EDAR: variants seen among roughly 807,000 people sequenced by gnomAD.
The protein encoded by EDAR is ectodysplasin A receptor, also known as tumor necrosis factor receptor superfamily member EDAR.
A neutral mutation model predicts 51.3 loss-of-function variants in EDAR; 38 were observed. That is an observed-to-expected ratio of 0.74 (90% CI 0.57 to 0.97). The LOEUF (loss-of-function observed/expected upper bound fraction) is 0.97. EDAR is among the 50% of genes least tolerant of loss of function. EDAR has a pLI of 0.00. For synonymous variants in EDAR, 227 were observed against 242.1 expected (o/e 0.94, Z 0.58); for missense variants, 528 against 595.0 (o/e 0.89, Z 1.17).
At chr2:108,946,665 A>T (rs967985716) in intron 1 of EDAR, among the ~76,000 whole-genome samples, 2 of 152,208 alleles carry the variant, frequency 1.3e-5, no homozygotes, top group Admixed American at 1.3e-4. Context: ...CATCTTACAC[A>T]GTGGCAAGAG....
intron 5 of EDAR, among the ~76,000 whole-genome samples, chr2:108,921,345 C>T (rs1267062478): frequency 6.6e-6 from 1 of 152,206 alleles, no homozygotes; most frequent in Non-Finnish European, 1.5e-5. Flanking sequence ...TCATCCTCAG[C>T]CAGGGGCCCT....
intron 1 of EDAR, among the ~76,000 whole-genome samples, chr2:108,966,396 T>C (rs1322814812): frequency 6.6e-6 from 1 of 152,236 alleles, no homozygotes; most frequent in East Asian, 1.9e-4. Context: ...GCAGTGGCAT[T>C]GGAGGCCAGC....
intron 5 of EDAR, 57 bp from the exon 6 acceptor site, chr2:108,912,821 C>T: frequency 7.1e-7 from 1 of 1,410,548 alleles, no homozygotes. Context: ...TTCAAAGACG[C>T]TGCCACAGAG....
chr2:108,976,972 G>A (rs1698333564), intron 1 of EDAR, among the ~76,000 whole-genome samples: 1 of 152,170 alleles, frequency 6.6e-6, no homozygotes, highest in South Asian at 2.1e-4. Flanking sequence ...TGGGTGCACA[G>A]TGAGGACTGA....
intron 4 of EDAR, among the ~76,000 whole-genome samples, chr2:108,924,868 C>T (rs951309440): frequency 3.3e-5 from 5 of 152,250 alleles, no homozygotes; most frequent in East Asian, 3.8e-4. Context: ...GTGTCTGCCA[C>T]GTGGCCTTGT....
intron 1 of EDAR, among the ~76,000 whole-genome samples, 169 bp from the exon 2 acceptor site, chr2:108,931,201 T>C (rs539539943): frequency 2.0e-5 from 3 of 152,334 alleles, no homozygotes; most frequent in African/African-American, 7.2e-5. Context: ...CCATGCCACT[T>C]GGGCTGACTC....
At chr2:108,954,734 G>C (rs949377285) in intron 1 of EDAR, among the ~76,000 whole-genome samples, 1 of 151,510 alleles carries the variant, frequency 6.6e-6, no homozygotes, top group African/African-American at 2.4e-5. Context: ...GGAGTGCAAT[G>C]GCGTGATCTC....
intron 1 of EDAR, among the ~76,000 whole-genome samples, chr2:108,931,268 A>G (rs1697361902): frequency 6.6e-6 from 1 of 152,218 alleles, no homozygotes; most frequent in African/African-American, 2.4e-5. Context: ...GGAGGCTAGG[A>G]GCACACGGAG....
chr2:108,895,882 G>A lies in EDAR; in HGVS notation c.*1025C>T, dbSNP rs1047259835. 6.6e-6 allele frequency: 1 copy of A among 152,230 alleles called. No individual in the cohort carries two copies. Among genetic ancestry groups the A allele is most frequent in the Admixed American group, 6.5e-5 (1 of 15,282 alleles). The allele number at this position is 152,230 out of a possible 1,614,324, so 9.4% of individuals were successfully genotyped here. On this transcript the variant is annotated 3_prime_UTR_variant, in exon 12 of 12. Transcript: ENST00000258443. ...CCATGAGGCTAATCCACAAGTCTTAGATGCTCTTGAAATCTAGAATTATGC... is the reference window on the plus strand; with the variant it reads ...CCATGAGGCTAATCCACAAGTCTTAAATGCTCTTGAAATCTAGAATTATGC...
At chr2:108,913,792 T>C (rs570428661) in intron 5 of EDAR, among the ~76,000 whole-genome samples, 1 of 151,690 alleles carries the variant, frequency 6.6e-6, no homozygotes, top group East Asian at 1.9e-4. Flanking sequence ...CTACTAAAAA[T>C]ACAAAAAATT....
At chr2:108,977,518 C>T (rs1468825043) in intron 1 of EDAR, among the ~76,000 whole-genome samples, 1 of 152,184 alleles carries the variant, frequency 6.6e-6, no homozygotes, top group Non-Finnish European at 1.5e-5. Context: ...GATCCGCCAG[C>T]CTCGGCCTCC....
intron 1 of EDAR, among the ~76,000 whole-genome samples, chr2:108,986,224 G>GT (rs1698493802): frequency 6.6e-6 from 1 of 152,062 alleles, no homozygotes; most frequent in South Asian, 2.1e-4. Context: ...ATATTTGACA[G>GT]TTTTTTTCAC....
chr2:108,930,471 C>A (rs1427901057), intron 2 of EDAR, among the ~76,000 whole-genome samples: 1 of 152,112 alleles, frequency 6.6e-6, no homozygotes, highest in Non-Finnish European at 1.5e-5. Flanking sequence ...CCCTGCCTCA[C>A]CCCTGCTGGC....
intron 1 of EDAR, among the ~76,000 whole-genome samples, chr2:108,952,575 T>C (rs1410965235): frequency 6.6e-6 from 1 of 152,262 alleles, no homozygotes; most frequent in Admixed American, 6.5e-5. Flanking sequence ...AAAAATACTT[T>C]CACTTGCTCT....
intron 4 of EDAR, among the ~76,000 whole-genome samples, chr2:108,924,317 G>C (rs1388812380): frequency 1.3e-5 from 2 of 152,204 alleles, no homozygotes; most frequent in Non-Finnish European, 2.9e-5. Context: ...CACAGCCCCT[G>C]CTGGCACCAC....
At chr2:108,962,763 C>T (rs1698076220) in intron 1 of EDAR, among the ~76,000 whole-genome samples, 1 of 151,762 alleles carries the variant, frequency 6.6e-6, no homozygotes, top group Non-Finnish European at 1.5e-5. Flanking sequence ...TGGCATGACA[C>T]CATCGCACAC....
chr2:108,913,221 T>A (rs1384394976), intron 5 of EDAR, among the ~76,000 whole-genome samples: 1 of 151,770 alleles, frequency 6.6e-6, no homozygotes. Context: ...AGTGCTGGGA[T>A]TACAGGCATG....
chr2:108,980,773 G>C (rs1349511024), intron 1 of EDAR, among the ~76,000 whole-genome samples: 4 of 152,146 alleles, frequency 2.6e-5, no homozygotes, highest in African/African-American at 7.2e-5. Context: ...GCTTGAATCA[G>C]TGTGGCCAGA....
chr2:108,957,964 G>C (rs1697957274), intron 1 of EDAR, among the ~76,000 whole-genome samples: 1 of 152,090 alleles, frequency 6.6e-6, no homozygotes, highest in African/African-American at 2.4e-5. Context: ...TGCAGAAAAT[G>C]AACTACCAGC....
Sources: allele counts gnomAD v4.1 joint callset (sites outside exome capture counted in the v4.1 genomes callset), GRCh38; gene constraint gnomAD v4.1.1; transcripts MANE v1.5; gene names NCBI Gene and HGNC (gene_info 2026-07-23, HGNC 2026-07-21).